POMK: variants seen among roughly 807,000 people sequenced by gnomAD.
The protein encoded by POMK is Sugen kinase 196.
Under a neutral mutation model 23.0 loss-of-function variants are expected in POMK, and 19 were observed. The observed-to-expected ratio is 0.83, with a 90% CI of 0.58 to 1.21. The LOEUF is 1.21. POMK is among the 50% of genes most tolerant of loss of function. POMK has a pLI of 0.00. For missense variants in POMK, 410 were observed against 431.3 expected, an observed-to-expected ratio of 0.95 and a Z score of 0.44; for synonymous variants, 173 against 171.6, an observed-to-expected ratio of 1.01 and a Z score of -0.06.
intron 1 of POMK, among the ~76,000 whole-genome samples, chr8:43,097,118 T>C (rs555885254): frequency 3.3e-5 from 5 of 152,328 alleles, no homozygotes; most frequent in African/African-American, 7.2e-5. Flanking sequence ...TAAGATCGAT[T>C]AGATAGATAG....
Position 43,111,206 on chromosome 8 carries a change from T to A in POMK, c.282+7376T>A, listed in dbSNP as rs567268469. ...GTGGAGACAGATGGCACCTGGAAAA[T>A]CGGGTCACTCCCACCCTAATACTGC... is the stretch of plus-strand genomic sequence containing the variant. On this transcript the variant is annotated intron_variant, in intron 4 of 4. Transcript: ENST00000331373. Among the ~76,000 whole-genome samples the A allele has an allele frequency of 1.5e-4, 23 of 152,126 alleles. No individual in the cohort carries two copies. In the South Asian group the frequency reaches 3.3e-3, roughly 22 times the overall value.
At chr8:43,102,920 G>A (rs145913487) in intron 3 of POMK, among the ~76,000 whole-genome samples, 1 of 152,342 alleles carries the variant, frequency 6.6e-6, no homozygotes, top group East Asian at 1.9e-4. Flanking sequence ...TCTAGCTCAT[G>A]TACTTGTCAG....
chr8:43,100,206 C>G (rs1036524803), intron 2 of POMK, among the ~76,000 whole-genome samples: 3 of 152,108 alleles, frequency 2.0e-5, no homozygotes, highest in African/African-American at 7.2e-5. Context: ...GAGACTGGAG[C>G]TTTGCCAATG....
rs1811493094 is a variant in POMK at position 43,103,763 on chromosome 8, T to C, written c.215T>C (p.Leu72Pro). ...CAGATGAAAAACTGCTCACCTTGGC[T>C]GTCCTGCGAGGAGCTGAGAACAGAA... Reference protein sequence around the residue: ...IGQMKNCSPWLSCEELRTEVR... With the variant: ...IGQMKNCSPWPSCEELRTEVR... The change falls in exon 4 of 5, where the codon CTG (leucine) becomes CCG (proline). Residue 72 changes from leucine (L) to proline (P), a missense_variant. By Grantham distance (98) the Leu-to-Pro change is moderately conservative. Transcript: ENST00000331373. 1 of 1,614,234 alleles carries C rather than the reference T, an allele frequency of 6.2e-7. No homozygotes were observed. The highest frequency in any genetic ancestry group is 8.5e-7 in the Non-Finnish European group (1 of 1,180,034).
rs1329316114 is a variant in POMK at position 43,102,546 on chromosome 8, A to G, written c.-76A>G. The G allele has an allele frequency of 6.6e-6, 1 of 152,388 alleles. No individual in the cohort carries two copies. Among genetic ancestry groups the G allele is most frequent in the African/African-American group, 2.4e-5 (1 of 41,428 alleles). 9.4% of individuals were successfully genotyped at this position (152,388 alleles called of 1,614,324 possible). A position where few individuals can be genotyped will look rare whatever the true frequency, so the allele number is the denominator to read the frequency against. On this transcript the variant is annotated 5_prime_UTR_variant, in exon 3 of 5. Coordinates refer to ENST00000331373, the MANE Select transcript of POMK (RefSeq NM_032237.5). ...TCCCTGGGCGCCAACTAGAGTATGG[A>G]CTGACCAGGTACCTGGATGGAGACC...
chr8:43,123,037 T>A lies in POMK; in HGVS notation c.*160T>A. On this transcript the variant is annotated 3_prime_UTR_variant, in exon 5 of 5. Transcript: ENST00000331373. ...CCACATCCACATGTACGTTTGTATG[T>A]AGTCCACATTGGTTGTTAGATTTTT... 1 of 634,284 alleles carries A rather than the reference T, an allele frequency of 1.6e-6. No individual in the cohort carries two copies. 39.3% of individuals were successfully genotyped at this position (634,284 alleles called of 1,614,324 possible). A position where few individuals can be genotyped will look rare whatever the true frequency, so the allele number is the denominator to read the frequency against.
chr8:43,097,309 C>T (rs2130593351), intron 1 of POMK, among the ~76,000 whole-genome samples: 1 of 152,284 alleles, frequency 6.6e-6, no homozygotes, highest in South Asian at 2.1e-4. Context: ...CTGGGGAGCA[C>T]AGTTTGAGAA....
chr8:43,103,644 T>G lies in POMK; in HGVS notation c.96T>G (p.Thr32=), dbSNP rs1257243826. Residue 32 remains threonine (T), a synonymous_variant, in exon 4 of 5, where the codon ACT becomes ACG. Transcript: ENST00000331373. ...TGCTGATCATGGCCCTGATGAATAC[T>G]CTGCTCTACCTCTGCCTCGACCACT... The part of the protein sequence containing the change: ...GLLLIMALMN[T]LLYLCLDHFF... The G allele has an allele frequency of 1.5e-5, 25 of 1,613,712 alleles. No homozygotes were observed. The highest frequency in any genetic ancestry group is 2.1e-5 in the Non-Finnish European group (25 of 1,180,000).
chr8:43,099,744 C>T (rs1458689569), intron 2 of POMK, among the ~76,000 whole-genome samples: 1 of 152,094 alleles, frequency 6.6e-6, no homozygotes, highest in African/African-American at 2.4e-5. Context: ...GGCTCGGGGC[C>T]AGTTTCATGG....
At chr8:43,105,213 A>G (rs1360923096) in intron 4 of POMK, among the ~76,000 whole-genome samples, 1 of 152,156 alleles carries the variant, frequency 6.6e-6, no homozygotes, top group Non-Finnish European at 1.5e-5. Context: ...TCTTCTGGCT[A>G]TTTGAGAGTG....
rs902336171 is a variant in POMK at position 43,093,553 on chromosome 8, T to G, written c.-220T>G. On this transcript the variant is annotated 5_prime_UTR_variant, in exon 1 of 5. Coordinates refer to ENST00000331373, the MANE Select transcript of POMK (RefSeq NM_032237.5). ...CCGGGGTGGCAGGAGCCGCAGAGGC[T>G]TGGGCTGCAGGTAGGTGCTGCGGCG... 2.6e-5 allele frequency: 4 copies of G among 152,778 alleles called. No homozygotes were observed. Among genetic ancestry groups the G allele is most frequent in the African/African-American group, 9.6e-5 (4 of 41,456 alleles). 9.5% of individuals were successfully genotyped at this position (152,778 alleles called of 1,614,324 possible).
chr8:43,112,347 C>A (rs983312957), intron 4 of POMK, among the ~76,000 whole-genome samples: 1 of 152,004 alleles, frequency 6.6e-6, no homozygotes, highest in African/African-American at 2.4e-5. Flanking sequence ...TGAAATGAAG[C>A]GTGAAGAGAA....
intron 4 of POMK, among the ~76,000 whole-genome samples, chr8:43,111,306 A>G (rs924166852): frequency 5.9e-5 from 9 of 152,176 alleles, no homozygotes; most frequent in South Asian, 2.1e-4. Flanking sequence ...TCCTACGCCC[A>G]TGGAGCCTCA....
chr8:43,103,403 T>A (rs762554080), intron 3 of POMK, 125 bp from the exon 4 acceptor site: 96 of 853,858 alleles, frequency 1.1e-4, no homozygotes, highest in Non-Finnish European at 1.7e-4. Flanking sequence ...ATACCTGCTT[T>A]AATCCCCACG....
intron 4 of POMK, among the ~76,000 whole-genome samples, chr8:43,115,782 T>G (rs1342746189): frequency 6.6e-6 from 1 of 152,228 alleles, no homozygotes. Context: ...GCTCTCTGTC[T>G]CATTCTGAGT....
intron 4 of POMK, among the ~76,000 whole-genome samples, chr8:43,117,225 A>G (rs1197840837): frequency 6.6e-6 from 1 of 152,206 alleles, no homozygotes; most frequent in East Asian, 1.9e-4. Context: ...GTGATTCTTC[A>G]GTTACTTCAG....
At position 43,121,874 on chromosome 8, in the gene POMK, G is replaced by A. The variant is rs1563342992; in HGVS notation, c.283-233G>A. ...CTCAGTGTCCTGCCCAGAGGCAATC[G>A]CTTCCTGCCCTGAGGTTCCACCCAC... On this transcript the variant is annotated intron_variant, in intron 4 of 4. Coordinates refer to ENST00000331373, the MANE Select transcript of POMK (RefSeq NM_032237.5). Among the ~76,000 whole-genome samples the A allele has an allele frequency of 3.3e-5, 5 of 152,316 alleles. No individual in the cohort carries two copies. In the South Asian group the frequency reaches 1.0e-3, roughly 32 times the overall value.
intron 1 of POMK, among the ~76,000 whole-genome samples, chr8:43,096,967 G>A (rs960715467): frequency 6.6e-6 from 1 of 152,196 alleles, no homozygotes; most frequent in African/African-American, 2.4e-5. Context: ...GCATGTATGA[G>A]AAGCGGAGTT....
At chr8:43,100,177 A>G (rs1811409154) in intron 2 of POMK, among the ~76,000 whole-genome samples, 1 of 151,984 alleles carries the variant, frequency 6.6e-6, no homozygotes, top group Admixed American at 6.5e-5. Context: ...GGATATGGGA[A>G]TGGGTGGTGG....
Sources: gnomAD v4.1 joint callset for allele counts (sites outside exome capture counted in the v4.1 genomes callset) on GRCh38, gnomAD v4.1.1 for gene constraint, MANE v1.5 for transcripts, NCBI Gene and HGNC (gene_info 2026-07-23, HGNC 2026-07-21) for gene names.